CSMD1: variants seen among roughly 807,000 people sequenced by gnomAD.
CSMD1 encodes the protein CUB and sushi domain-containing protein 1.
CSMD1 carries 213 observed loss-of-function variants against 417.5 expected under a neutral mutation model. The observed-to-expected ratio is 0.51, with a 90% confidence interval of 0.46 to 0.57. CSMD1 has a LOEUF of 0.57. CSMD1 is among the 20% of genes least tolerant of loss of function. The probability of loss-of-function intolerance (pLI) is 0.00; values close to 1 mark genes in which losing one functional copy is unlikely to be tolerated. For synonymous variants in CSMD1, 2,862 were observed against 1,736.8 expected (o/e 1.65, Z -16.11); for missense variants, 6,923 against 4,529.7 (o/e 1.53, Z -15.17).
At chr8:4,414,255 C>G (rs1472979901) in intron 3 of CSMD1, among the ~76,000 whole-genome samples, 1 of 152,136 alleles carries the variant, frequency 6.6e-6, no homozygotes, top group African/African-American at 2.4e-5. Flanking sequence ...GGAAATGCCA[C>G]ACATATTCAG....
chr8:4,658,233 A>T (rs1258343028), intron 1 of CSMD1, among the ~76,000 whole-genome samples: 1 of 152,192 alleles, frequency 6.6e-6, no homozygotes, highest in Non-Finnish European at 1.5e-5. Flanking sequence ...AAAATAAATC[A>T]ACACATTCGA....
chr8:3,727,869 CAAATACTGT>C (rs1483976922), intron 6 of CSMD1, among the ~76,000 whole-genome samples: 1 of 151,890 alleles, frequency 6.6e-6, no homozygotes, highest in Admixed American at 6.6e-5. Flanking sequence ...CACAAAAGGA[CAAATACTGT>C]ATGATTTCAT....
chr8:3,179,268 G>T (rs190436442), intron 37 of CSMD1, among the ~76,000 whole-genome samples: 1 of 152,184 alleles, frequency 6.6e-6, no homozygotes, highest in African/African-American at 2.4e-5. Context: ...TCAAATTCTG[G>T]CATGAAGAAT....
intron 25 of CSMD1, among the ~76,000 whole-genome samples, chr8:3,306,147 T>TGTTAA (rs1039054988): frequency 3.3e-5 from 5 of 152,082 alleles, no homozygotes; most frequent in East Asian, 1.9e-4. Context: ...ATTTTATTTT[T>TGTTAA]GTTAAGTTAT....
At chr8:3,922,875 G>C (rs775554343) in intron 5 of CSMD1, among the ~76,000 whole-genome samples, 1 of 152,128 alleles carries the variant, frequency 6.6e-6, no homozygotes, top group Admixed American at 6.6e-5. Flanking sequence ...TGGAGGAAAA[G>C]TTAAATATTA....
At chr8:4,065,829 G>C (rs550090403) in intron 3 of CSMD1, among the ~76,000 whole-genome samples, 1 of 151,880 alleles carries the variant, frequency 6.6e-6, no homozygotes, top group South Asian at 2.1e-4. Flanking sequence ...TTCTTTTTTT[G>C]GAATATATTT....
At chr8:4,212,943 C>T (rs1306899860) in intron 3 of CSMD1, among the ~76,000 whole-genome samples, 1 of 151,954 alleles carries the variant, frequency 6.6e-6, no homozygotes, top group East Asian at 1.9e-4. Flanking sequence ...GCTTTCCTTC[C>T]CTCATACCCA....
intron 3 of CSMD1, among the ~76,000 whole-genome samples, chr8:4,070,116 T>C (rs1049625192): frequency 2.0e-5 from 3 of 152,184 alleles, no homozygotes; most frequent in African/African-American, 4.8e-5. Flanking sequence ...TTTTCAGTCT[T>C]CTTGTAAATA....
At chr8:3,721,783 T>C (rs556468073) in intron 6 of CSMD1, among the ~76,000 whole-genome samples, 1 of 152,188 alleles carries the variant, frequency 6.6e-6, no homozygotes, top group South Asian at 2.1e-4. Context: ...AATTTCTCTC[T>C]GAATGGTCAA....
intron 29 of CSMD1, among the ~76,000 whole-genome samples, chr8:3,215,297 G>A (rs147860206): frequency 6.9e-4 from 105 of 152,232 alleles, no homozygotes; most frequent in Non-Finnish European, 1.0e-3. Context: ...AAACTTAGAA[G>A]AAAAAAATAC....
intron 23 of CSMD1, among the ~76,000 whole-genome samples, chr8:3,320,625 A>G (rs1401464680): frequency 6.6e-6 from 1 of 152,166 alleles, no homozygotes; most frequent in Non-Finnish European, 1.5e-5. Context: ...CAGAGAAGTG[A>G]CAGCCTCAAC....
intron 1 of CSMD1, among the ~76,000 whole-genome samples, chr8:4,707,200 C>T (rs558524082): frequency 3.3e-5 from 5 of 152,310 alleles, no homozygotes; most frequent in African/African-American, 1.2e-4. Flanking sequence ...GCACTCTAGA[C>T]ACTGTTGTTA....
intron 1 of CSMD1, among the ~76,000 whole-genome samples, chr8:4,702,258 T>G (rs536551945): frequency 8.5e-5 from 13 of 152,168 alleles, no homozygotes; most frequent in African/African-American, 2.9e-4. Flanking sequence ...TAACTTAAAA[T>G]AAAAATAAAA....
chr8:3,712,404 G>GAT (rs1801573279), intron 6 of CSMD1, among the ~76,000 whole-genome samples: 4 of 54,162 alleles, frequency 7.4e-5, no homozygotes, highest in Non-Finnish European at 1.3e-4. Flanking sequence ...GAGAGAGACA[G>GAT]ACAGACAGAC....
intron 1 of CSMD1, among the ~76,000 whole-genome samples, chr8:4,744,836 T>G (rs1810851325): frequency 6.6e-6 from 1 of 152,178 alleles, no homozygotes; most frequent in Non-Finnish European, 1.5e-5. Context: ...TAAGAAAGTA[T>G]GTTTTTCTAA....
chr8:3,080,756 A>C (rs1335011441), intron 49 of CSMD1, among the ~76,000 whole-genome samples: 1 of 152,184 alleles, frequency 6.6e-6, no homozygotes, highest in African/African-American at 2.4e-5. Flanking sequence ...CCTCTCAATA[A>C]TTCTGGGACG....
At chr8:2,986,158 A>G (rs906637234) in intron 54 of CSMD1, among the ~76,000 whole-genome samples, 2 of 152,180 alleles carry the variant, frequency 1.3e-5, no homozygotes, top group African/African-American at 4.8e-5. Context: ...ATTGTAATTG[A>G]CAATTGTAAT....
chr8:4,420,430 G>T (rs982025478), intron 2 of CSMD1, among the ~76,000 whole-genome samples: 4 of 151,838 alleles, frequency 2.6e-5, no homozygotes, highest in African/African-American at 9.7e-5. Context: ...GGTTTATTAG[G>T]TAGGTGAAGG....
At chr8:3,830,011 G>T (rs1046763806) in intron 5 of CSMD1, among the ~76,000 whole-genome samples, 1 of 152,080 alleles carries the variant, frequency 6.6e-6, no homozygotes, top group Non-Finnish European at 1.5e-5. Flanking sequence ...TTGTTAACAA[G>T]GTAAGTGGAT....
Sources: gnomAD v4.1 joint callset for allele counts (sites outside exome capture counted in the v4.1 genomes callset) on GRCh38, gnomAD v4.1.1 for gene constraint, MANE v1.5 for transcripts, NCBI Gene and HGNC (gene_info 2026-07-23, HGNC 2026-07-21) for gene names.